GREB1: variants seen among roughly 807,000 people sequenced by gnomAD.
The protein encoded by GREB1 is growth regulating estrogen receptor binding 1, also known as protein GREB1.
Under a neutral mutation model 200.7 loss-of-function variants are expected in GREB1, and 106 were observed. The observed-to-expected ratio is 0.53, with a 90% CI of 0.45 to 0.62. The LOEUF (loss-of-function observed/expected upper bound fraction) is 0.62, where lower values mean the gene tolerates loss of function less well. Ranked by LOEUF, GREB1 falls within the 20% of genes least tolerant of loss-of-function variation. GREB1 has a pLI of 0.00. For missense variants in GREB1, 2,243 were observed against 2,556.8 expected, an observed-to-expected ratio of 0.88 and a Z score of 2.65; for synonymous variants, 1,132 against 1,092.4, an observed-to-expected ratio of 1.04 and a Z score of -0.72.
At chr2:11,602,378 G>T in intron 16 of GREB1, 28 bp from the exon 17 acceptor site, 1 of 1,608,334 alleles carries the variant, frequency 6.2e-7, no homozygotes. Flanking sequence ...TGCAGTGTTG[G>T]AGTGACCGAC....
intron 1 of GREB1, among the ~76,000 whole-genome samples, chr2:11,544,318 G>A (rs997527746): frequency 3.3e-5 from 5 of 151,826 alleles, no homozygotes; most frequent in African/African-American, 9.7e-5. Flanking sequence ...CCAGGTTCAC[G>A]CCATTCTCCT....
intron 24 of GREB1, among the ~76,000 whole-genome samples, chr2:11,626,361 G>A (rs1684452561): frequency 6.6e-6 from 1 of 152,070 alleles, no homozygotes; most frequent in Non-Finnish European, 1.5e-5. Context: ...GCTGAGGTGG[G>A]TGGATCACCT....
chr2:11,583,204 G>A (rs7585718), intron 7 of GREB1, among the ~76,000 whole-genome samples: 11,710 of 152,244 alleles, frequency 0.077, 1,461 homozygotes, highest in African/African-American at 0.26. Flanking sequence ...GAAAACATCT[G>A]CGTCTCTTCA....
At chr2:11,591,989 C>G in intron 10 of GREB1, 1 of 983,958 alleles carries the variant, frequency 1.0e-6, no homozygotes, top group Non-Finnish European at 1.2e-6. Context: ...TCCAGCAATA[C>G]ATGTTTTTAT....
rs1238171719 is a variant in GREB1, at chr2:11,625,262, A to G, written c.4256A>G (p.Tyr1419Cys). Residue 1419 changes from tyrosine (Y) to cysteine (C), a missense_variant, in exon 24 of 33, where the codon TAT (tyrosine) becomes TGT (cysteine). Tyr to Cys is a radical substitution (Grantham distance 194, BLOSUM62 -2). Transcript: ENST00000381486. ...GACTACATCATTCACGACCCGAAGT[A>G]TGAAGATGCCAGCCTGATTTGTTCG... ...PFDYIIHDPK[Y>C]EDASLICSHY... 1.9e-6 allele frequency: 3 copies of G among 1,614,224 alleles called. No individual in the cohort carries two copies. Among genetic ancestry groups the G allele is most frequent in the Non-Finnish European group, 2.5e-6 (3 of 1,180,020 alleles).
At chr2:11,570,097 C>T (rs140418606) in intron 4 of GREB1, among the ~76,000 whole-genome samples, 239 of 152,122 alleles carry the variant, frequency 1.6e-3, no homozygotes, top group African/African-American at 5.4e-3. Context: ...GTAAATATAT[C>T]GGCAGGGCAT....
chr2:11,614,125 A>ATT (rs34678522), intron 19 of GREB1, among the ~76,000 whole-genome samples: 1,746 of 99,494 alleles, frequency 0.018, 33 homozygotes, highest in African/African-American at 0.043. Context: ...GCGGACTTAG[A>ATT]TTTTTTTTTT....
chr2:11,547,917 C>T (rs912514535), intron 1 of GREB1, among the ~76,000 whole-genome samples: 8 of 152,146 alleles, frequency 5.3e-5, no homozygotes, highest in African/African-American at 1.2e-4. Context: ...TGCAGTGGCT[C>T]ACTCCTGTAA....
At chr2:11,538,669 CTTTCTTTCTTTCTTTCT>C (rs1674432211) in intron 1 of GREB1, among the ~76,000 whole-genome samples, 3 of 95,364 alleles carry the variant, frequency 3.1e-5, no homozygotes, top group African/African-American at 1.2e-4. Flanking sequence ...TTCTTTCTTT[CTTTCTTTCTTTCTTTCT>C]TTCCTTCCTC....
Position 11,580,853 on chromosome 2 carries a change from C to T in GREB1, c.901+21C>T, listed in dbSNP as rs183530916. On this transcript the variant is annotated intron_variant, in intron 7 of 32. Coordinates refer to ENST00000381486, the MANE Select transcript of GREB1 (RefSeq NM_014668.4). The surrounding 1 kb of genome is among the most constrained non-coding windows in gnomAD (Gnocchi z 4.5). ...TTTAGGTAGCTCTGCCTGTCCTGGCCGTCCTGGGGATCCTGCTCTTCTTTG... is the reference window on the plus strand; with the variant it reads ...TTTAGGTAGCTCTGCCTGTCCTGGCTGTCCTGGGGATCCTGCTCTTCTTTG... 575 of 1,614,152 alleles carry T rather than the reference C, an allele frequency of 3.6e-4. No individual in the cohort carries two copies. Among genetic ancestry groups the T allele is most frequent in the Middle Eastern group, 6.6e-4 (4 of 6,062 alleles).
At chr2:11,531,524 T>C (rs1674074606), upstream of GREB1, among the ~76,000 whole-genome samples, 1 of 152,158 alleles carries the variant, frequency 6.6e-6, no homozygotes, top group Non-Finnish European at 1.5e-5. Flanking sequence ...AAAAATTGCG[T>C]ATAATTCTTG....
intron 1 of GREB1, among the ~76,000 whole-genome samples, chr2:11,513,281 C>T (rs377685743): frequency 0.01 from 1,547 of 152,134 alleles, 26 homozygotes; most frequent in African/African-American, 0.036. Context: ...GGCGGGTGGG[C>T]GTCTCTCCCT....
chr2:11,532,516 A>G (rs547406071), upstream of GREB1, among the ~76,000 whole-genome samples: 16 of 152,332 alleles, frequency 1.1e-4, no homozygotes, highest in African/African-American at 3.8e-4. Flanking sequence ...TTAGCAGTGA[A>G]AAAAAGTGTG....
chr2:11,580,216 A>G lies in GREB1; in HGVS notation c.773-488A>G, dbSNP rs1558577591. On this transcript the variant is annotated intron_variant, in intron 6 of 32. Transcript: ENST00000381486. This position sits in a 1 kb window ranked among gnomAD's most constrained non-coding sequence, Gnocchi z 4.5. ...ACACAGGGGGATTATGGGAGCTGCA[A>G]TTCAAAGTGGAATTTGGGCGGGGAC... Among the ~76,000 whole-genome samples, 1 of 152,126 alleles carries G rather than the reference A, an allele frequency of 6.6e-6. No individual in the cohort carries two copies. Among genetic ancestry groups the G allele is most frequent in the Non-Finnish European group, 1.5e-5 (1 of 68,032 alleles).
chr2:11,594,766 C>T (rs908042184), intron 11 of GREB1, among the ~76,000 whole-genome samples: 5 of 152,104 alleles, frequency 3.3e-5, no homozygotes, highest in African/African-American at 4.8e-5. Context: ...TTTGTAGGCT[C>T]ACTGCAAGCT....
At chr2:11,570,144 C>A (rs1473985538) in intron 4 of GREB1, among the ~76,000 whole-genome samples, 1 of 152,082 alleles carries the variant, frequency 6.6e-6, no homozygotes, top group Admixed American at 6.5e-5. Flanking sequence ...TGTGGTGGCT[C>A]ATGCCTGTAA....
upstream of GREB1, among the ~76,000 whole-genome samples, chr2:11,532,491 G>A (rs1316677033): frequency 6.6e-6 from 1 of 152,110 alleles, no homozygotes; most frequent in South Asian, 2.1e-4. Flanking sequence ...TTTGTTTAAA[G>A]GTTCATTACG....
intron 26 of GREB1, 25 bp from the exon 27 acceptor site, chr2:11,631,884 A>G: frequency 1.3e-6 from 2 of 1,560,048 alleles, no homozygotes; most frequent in Non-Finnish European, 1.8e-6. Context: ...CAAACACTCT[A>G]CCTCATGATA....
intron 1 of GREB1, among the ~76,000 whole-genome samples, chr2:11,513,898 A>G (rs1177992434): frequency 6.6e-6 from 1 of 152,194 alleles, no homozygotes; most frequent in East Asian, 1.9e-4. Flanking sequence ...TTTCTGAGTA[A>G]TAATCTGTGG....
Sources: allele counts gnomAD v4.1 joint callset (sites outside exome capture counted in the v4.1 genomes callset), GRCh38; gene constraint gnomAD v4.1.1; non-coding constraint Gnocchi (gnomAD v3.1); transcripts MANE v1.5; gene names NCBI Gene and HGNC (gene_info 2026-07-23, HGNC 2026-07-21).